The following SLC25A13 variants were observed in gnomAD, a reference collection of about 807,000 sequenced individuals.
SLC25A13 encodes the protein solute carrier family 25 member 13.
In SLC25A13, 70 loss-of-function variants were observed where a neutral mutation model predicts 85.5. The observed-to-expected ratio is 0.82, with a 90% CI of 0.68 to 1.00. SLC25A13 has a LOEUF of 1.00. Ranked by LOEUF, SLC25A13 falls within the 50% of genes least tolerant of loss-of-function variation. The pLI is 0.00. For missense variants in SLC25A13, 765 were observed against 819.8 expected (o/e 0.93, Z 0.82); for synonymous variants, 259 against 288.7 (o/e 0.90, Z 1.04).
intron 11 of SLC25A13, among the ~76,000 whole-genome samples, chr7:96,182,671 C>T (rs1211966834): frequency 6.6e-6 from 1 of 152,170 alleles, no homozygotes; most frequent in Non-Finnish European, 1.5e-5. Context: ...TAGTTGCCAA[C>T]AGTACAGGTT....
intron 15 of SLC25A13, among the ~76,000 whole-genome samples, chr7:96,128,346 A>T (rs981500976): frequency 6.6e-6 from 1 of 152,196 alleles, no homozygotes; most frequent in Non-Finnish European, 1.5e-5. Context: ...AACAAAGATG[A>T]GAGAGACATC....
chr7:96,259,221 T>A (rs1458327939), intron 3 of SLC25A13, among the ~76,000 whole-genome samples: 1 of 152,130 alleles, frequency 6.6e-6, no homozygotes, highest in Non-Finnish European at 1.5e-5. Context: ...TGGGATCTAA[T>A]TAAACTAAAG....
chr7:96,184,310 G>C lies in SLC25A13; in HGVS notation c.1144C>G (p.Leu382Val). 6.2e-7 allele frequency: 1 copy of C among 1,614,150 alleles called. No homozygotes were observed. Among genetic ancestry groups the C allele is most frequent in the East Asian group, 2.2e-5 (1 of 44,866 alleles). Residue 382 changes from leucine (L) to valine (V), a missense_variant, in exon 11 of 18, where the codon CTA becomes GTA. Leu to Val is a conservative substitution (Grantham distance 32). Transcript: ENST00000265631. The part of the protein sequence containing the change: ...KNSFDCFKKV[L>V]RYEGFFGLYR... The stretch of plus-strand genomic sequence containing the variant: ...AGTCCAAAGAAGCCTTCATAGCGTA[G>C]CACTTTCTTAAAACAGTCAAAGCTG...
intron 1 of SLC25A13, among the ~76,000 whole-genome samples, chr7:96,302,520 A>C (rs1385745011): frequency 6.6e-6 from 1 of 152,326 alleles, no homozygotes; most frequent in East Asian, 1.9e-4. Flanking sequence ...AGAAATGCTA[A>C]TTTGAAAAAT....
chr7:96,321,833 C>A (rs1178429988), intron 1 of SLC25A13, 109 bp downstream of exon 1: 7 of 1,348,744 alleles, frequency 5.2e-6, no homozygotes, highest in Non-Finnish European at 6.8e-6. Flanking sequence ...CCCGGCACCC[C>A]ATTTTGCTCC....
intron 13 of SLC25A13, among the ~76,000 whole-genome samples, chr7:96,164,200 T>C (rs6465488): frequency 0.25 from 38,351 of 152,058 alleles, 4,946 homozygotes; most frequent in East Asian, 0.33. Context: ...TTTTCTCAGC[T>C]TCTTATTCTG....
chr7:96,293,381 T>C (rs1799204790), intron 2 of SLC25A13, among the ~76,000 whole-genome samples: 1 of 152,174 alleles, frequency 6.6e-6, no homozygotes, highest in African/African-American at 2.4e-5. Flanking sequence ...AAGGACCTCA[T>C]GTCTAAAACA....
intron 4 of SLC25A13, among the ~76,000 whole-genome samples, chr7:96,218,357 C>A (rs958983984): frequency 4.6e-5 from 7 of 152,188 alleles, no homozygotes; most frequent in East Asian, 3.9e-4. Flanking sequence ...AGATTAAGAA[C>A]CTCCACTCTT....
At chr7:96,127,349 A>G (rs935962560) in intron 15 of SLC25A13, among the ~76,000 whole-genome samples, 9 of 151,920 alleles carry the variant, frequency 5.9e-5, no homozygotes, top group Non-Finnish European at 1.0e-4. Flanking sequence ...CATGAATTCA[A>G]ATATTGGTTA....
At chr7:96,303,547 TAA>T (rs1273473865) in intron 1 of SLC25A13, among the ~76,000 whole-genome samples, 2 of 152,150 alleles carry the variant, frequency 1.3e-5, no homozygotes, top group Non-Finnish European at 2.9e-5. Context: ...CTTCCTATAC[TAA>T]AGACACTAGA....
At chr7:96,192,770 A>C (rs1323760997) in intron 6 of SLC25A13, among the ~76,000 whole-genome samples, 1 of 152,132 alleles carries the variant, frequency 6.6e-6, no homozygotes, top group Non-Finnish European at 1.5e-5. Context: ...AACAAAATTA[A>C]CATGAGATCA....
intron 14 of SLC25A13, among the ~76,000 whole-genome samples, chr7:96,141,021 T>TTC (rs936443992): frequency 6.6e-5 from 9 of 136,764 alleles, no homozygotes; most frequent in South Asian, 2.2e-4. Context: ...TTTTCTTTCT[T>TTC]TTTTTTTTTT....
At chr7:96,128,399 T>C (rs1445494184) in intron 15 of SLC25A13, among the ~76,000 whole-genome samples, 2 of 152,184 alleles carry the variant, frequency 1.3e-5, no homozygotes, top group Non-Finnish European at 2.9e-5. Flanking sequence ...AACTATGACA[T>C]TGACCACTGG....
intron 2 of SLC25A13, among the ~76,000 whole-genome samples, chr7:96,279,557 T>C (rs80231649): frequency 6.6e-6 from 1 of 152,144 alleles, no homozygotes. Context: ...ATGAGACTTA[T>C]TCACTACTAC....
chr7:96,210,210 T>C (rs1368183221), intron 4 of SLC25A13, among the ~76,000 whole-genome samples: 2 of 152,200 alleles, frequency 1.3e-5, no homozygotes, highest in Admixed American at 1.3e-4. Flanking sequence ...ATCAGGATTA[T>C]GCTGGGCATA....
chr7:96,204,851 C>T (rs1208047596), intron 5 of SLC25A13, among the ~76,000 whole-genome samples: 1 of 152,152 alleles, frequency 6.6e-6, no homozygotes, highest in Non-Finnish European at 1.5e-5. Context: ...GGATGGTTTG[C>T]CCGACATGAG....
intron 14 of SLC25A13, among the ~76,000 whole-genome samples, chr7:96,145,666 G>C (rs1382815301): frequency 6.6e-6 from 1 of 151,926 alleles, no homozygotes; most frequent in Non-Finnish European, 1.5e-5. Flanking sequence ...ACAAAGCTTG[G>C]GATAAAAATG....
intron 4 of SLC25A13, among the ~76,000 whole-genome samples, chr7:96,218,985 G>A (rs1015679596): frequency 1.2e-4 from 18 of 152,242 alleles, no homozygotes; most frequent in South Asian, 8.3e-4. Context: ...TGTTGAATTC[G>A]TACATTAAAT....
intron 4 of SLC25A13, among the ~76,000 whole-genome samples, chr7:96,220,678 T>C (rs1796090746): frequency 6.6e-6 from 1 of 152,118 alleles, no homozygotes; most frequent in African/African-American, 2.4e-5. Flanking sequence ...GGACTCTAAG[T>C]TTCAGGATTT....
Sources: allele counts gnomAD v4.1 joint callset (sites outside exome capture counted in the v4.1 genomes callset), GRCh38; gene constraint gnomAD v4.1.1; transcripts MANE v1.5; gene names NCBI Gene and HGNC (gene_info 2026-07-23, HGNC 2026-07-21).